The following MECOM variants were observed in gnomAD, a reference collection of about 807,000 sequenced individuals.
The protein encoded by MECOM is MDS1 and EVI1 complex locus.
In MECOM, 13 loss-of-function variants were observed where a neutral mutation model predicts 116.3. The observed-to-expected ratio is 0.11, with a 90% CI of 0.07 to 0.18. The LOEUF (loss-of-function observed/expected upper bound fraction) is 0.18. MECOM is among the 10% of genes least tolerant of loss of function. The pLI, the probability that MECOM is intolerant of heterozygous loss-of-function variation, is 1.00. For missense variants in MECOM, 1,299 were observed against 1,509.0 expected, an observed-to-expected ratio of 0.86 and a Z score of 2.31; for synonymous variants, 528 against 535.2, an observed-to-expected ratio of 0.99 and a Z score of 0.19.
intron 1 of MECOM, among the ~76,000 whole-genome samples, chr3:169,448,375 C>T (rs1471325179): frequency 6.6e-6 from 1 of 152,136 alleles, no homozygotes; most frequent in Non-Finnish European, 1.5e-5. Flanking sequence ...TACATTATCT[C>T]ATTTGTGCCA....
intron 1 of MECOM, chr3:169,472,861 A>G (rs1749776193): frequency 4.4e-6 from 2 of 450,968 alleles, no homozygotes; most frequent in South Asian, 9.4e-5. Flanking sequence ...TTCAAAGACA[A>G]GGTCTTAATG....
intron 1 of MECOM, among the ~76,000 whole-genome samples, chr3:169,576,782 T>G: frequency 6.8e-6 from 1 of 147,974 alleles, no homozygotes. Context: ...TTTCCAGGAT[T>G]TCACTTCCTG....
chr3:169,175,512 GAT>G, intron 2 of MECOM, among the ~76,000 whole-genome samples: 1 of 152,122 alleles, frequency 6.6e-6, no homozygotes, highest in Non-Finnish European at 1.5e-5. Context: ...CCATCCCCAA[GAT>G]ATCTCATTAT....
At chr3:169,334,708 G>A (rs1723314443) in intron 2 of MECOM, among the ~76,000 whole-genome samples, 1 of 152,034 alleles carries the variant, frequency 6.6e-6, no homozygotes, top group African/African-American at 2.4e-5. Context: ...AATTAATCAG[G>A]AAAAAGAAGA....
intron 2 of MECOM, among the ~76,000 whole-genome samples, chr3:169,153,202 G>C (rs1741435746): frequency 6.6e-6 from 1 of 152,004 alleles, no homozygotes; most frequent in Non-Finnish European, 1.5e-5. Context: ...AGAGACAATA[G>C]AGAAATATTT....
chr3:169,258,367 C>A (rs1257443430), intron 2 of MECOM, among the ~76,000 whole-genome samples: 1 of 152,180 alleles, frequency 6.6e-6, no homozygotes, highest in African/African-American at 2.4e-5. Context: ...CTTGCAATAA[C>A]CTTCATTTTA....
At chr3:169,386,277 C>T (rs1733304589) in intron 1 of MECOM, among the ~76,000 whole-genome samples, 1 of 152,134 alleles carries the variant, frequency 6.6e-6, no homozygotes. Context: ...CACATTTTCT[C>T]ATTTTAATGC....
chr3:169,452,930 A>G (rs1329644829), intron 1 of MECOM, among the ~76,000 whole-genome samples: 6 of 152,244 alleles, frequency 3.9e-5, no homozygotes, highest in African/African-American at 9.6e-5. Context: ...TCATTCCCTA[A>G]TCACTTCTTG....
chr3:169,447,674 T>C, intron 1 of MECOM, among the ~76,000 whole-genome samples: 1 of 152,156 alleles, frequency 6.6e-6, no homozygotes, highest in East Asian at 1.9e-4. Context: ...GAGTGGTTTA[T>C]TACACACAAA....
At chr3:169,400,794 C>T (rs1735769495) in intron 1 of MECOM, among the ~76,000 whole-genome samples, 1 of 152,148 alleles carries the variant, frequency 6.6e-6, no homozygotes, top group Non-Finnish European at 1.5e-5. Flanking sequence ...CCTAAACAAA[C>T]ACCATATGGG....
chr3:169,429,551 CAT>C (rs1426860061), intron 1 of MECOM, among the ~76,000 whole-genome samples: 23 of 152,246 alleles, frequency 1.5e-4, no homozygotes, highest in African/African-American at 4.8e-4. Flanking sequence ...GATGAGTAAA[CAT>C]ATTTTCTACC....
At chr3:169,398,006 G>A (rs1735282432) in intron 1 of MECOM, among the ~76,000 whole-genome samples, 1 of 152,164 alleles carries the variant, frequency 6.6e-6, no homozygotes, top group Admixed American at 6.5e-5. Flanking sequence ...TGAACTGCTA[G>A]CAAAGAGTGA....
chr3:169,458,757 C>G (rs1471778091), intron 1 of MECOM, among the ~76,000 whole-genome samples: 2 of 152,088 alleles, frequency 1.3e-5, no homozygotes, highest in Non-Finnish European at 2.9e-5. Context: ...GGCCTCTGGT[C>G]CAAATGTAGC....
At position 169,143,813 on chromosome 3, in the gene MECOM, T is replaced by C. The variant is rs1287747443; in HGVS notation, c.395A>G (p.Asn132Ser). The part of the protein sequence containing the change: ...YGWEILDEFY[N>S]VKFCIDASQP... ...ACTGGCATCTATGCAGAACTTCACATTGTAAAATTCGTCTAAGATCTGGAG... is the reference window on the plus strand; with the variant it reads ...ACTGGCATCTATGCAGAACTTCACACTGTAAAATTCGTCTAAGATCTGGAG... The change falls in exon 3 of 17, where the codon AAT (asparagine) becomes AGT (serine). Residue 132 changes from asparagine to serine, a missense_variant. Transcript: ENST00000651503. 6.2e-7 allele frequency: 1 copy of C among 1,606,848 alleles called. No homozygotes were observed. Among genetic ancestry groups the C allele is most frequent in the South Asian group, 1.1e-5 (1 of 89,648 alleles).
intron 1 of MECOM, among the ~76,000 whole-genome samples, chr3:169,480,580 A>G: frequency 6.6e-6 from 1 of 152,038 alleles, no homozygotes; most frequent in East Asian, 1.9e-4. Context: ...TTATATCACC[A>G]GCCATTTTTC....
chr3:169,631,550 T>C (rs1247353237), intron 1 of MECOM, among the ~76,000 whole-genome samples: 1 of 151,504 alleles, frequency 6.6e-6, no homozygotes, highest in East Asian at 1.9e-4. Context: ...CATGCTGGTG[T>C]GCTGCACCCA....
chr3:169,143,131 C>G (rs1258161022), intron 3 of MECOM, among the ~76,000 whole-genome samples: 2 of 151,958 alleles, frequency 1.3e-5, no homozygotes, highest in Non-Finnish European at 2.9e-5. Context: ...CATAATGTCA[C>G]AAAGCAGTTT....
chr3:169,288,370 T>A (rs1237716470), intron 2 of MECOM, among the ~76,000 whole-genome samples: 1 of 152,212 alleles, frequency 6.6e-6, no homozygotes, highest in Non-Finnish European at 1.5e-5. Context: ...CTTTCTTCTT[T>A]ATTCTCCAAA....
chr3:169,635,938 G>A (rs1772694258), intron 1 of MECOM, among the ~76,000 whole-genome samples: 1 of 152,238 alleles, frequency 6.6e-6, no homozygotes, highest in Admixed American at 6.5e-5. Flanking sequence ...AAACCTAAAT[G>A]CACAATTTTA....
Sources: gnomAD v4.1 joint callset for allele counts (sites outside exome capture counted in the v4.1 genomes callset) on GRCh38, gnomAD v4.1.1 for gene constraint, MANE v1.5 for transcripts, NCBI Gene and HGNC (gene_info 2026-07-23, HGNC 2026-07-21) for gene names.